SLC8A2: variants seen among roughly 807,000 people sequenced by gnomAD.
SLC8A2 encodes solute carrier family 8 member A2, also known as sodium/calcium exchanger 2.
A neutral mutation model predicts 70.2 loss-of-function variants in SLC8A2; 14 were observed. The ratio of observed to expected loss-of-function variants is 0.20; its 90% CI spans 0.13 to 0.31. The LOEUF (loss-of-function observed/expected upper bound fraction) is 0.31. Among genes scored for constraint, SLC8A2 ranks in the 10% least tolerant of loss-of-function variants. The probability of loss-of-function intolerance (pLI) is 1.00; values close to 1 mark genes in which losing one functional copy is unlikely to be tolerated. For missense variants in SLC8A2, 779 were observed against 1,320.1 expected, an observed-to-expected ratio of 0.59 and a Z score of 6.35; for synonymous variants, 575 against 594.3, an observed-to-expected ratio of 0.97 and a Z score of 0.47.
chr19:47,457,222 G>A lies in SLC8A2; in HGVS notation c.1048C>T (p.Arg350Cys). 1 of 1,546,332 alleles carries A rather than the reference G, an allele frequency of 6.5e-7. No individual in the cohort carries two copies. Among genetic ancestry groups the A allele is most frequent in the Non-Finnish European group, 8.7e-7 (1 of 1,145,536 alleles). ...YYALLHQQKS[R>C]AFYRIQATRL... ...GTGGCCTGGATGCGGTAGAAGGCGC[G>A]GCTCTTCTGCTGGTGCAGCAGCGCG... Residue 350 changes from arginine (R) to cysteine (C), a missense_variant, in exon 3 of 10, where the codon CGC becomes TGC. Transcript: ENST00000236877.
chr19:47,460,589 C>T (rs577346246), intron 2 of SLC8A2, among the ~76,000 whole-genome samples: 4 of 151,608 alleles, frequency 2.6e-5, no homozygotes, highest in Non-Finnish European at 4.4e-5. Context: ...CCCAGTTACT[C>T]GGGAGGCTGA....
chr19:47,464,998 C>T (rs1967439900), intron 2 of SLC8A2, among the ~76,000 whole-genome samples: 1 of 152,132 alleles, frequency 6.6e-6, no homozygotes, highest in Non-Finnish European at 1.5e-5. Context: ...GCAAAGTGGT[C>T]ACAGGGCTTA....
At chr19:47,462,215 G>C (rs1263495235) in intron 2 of SLC8A2, among the ~76,000 whole-genome samples, 2 of 152,146 alleles carry the variant, frequency 1.3e-5, no homozygotes, top group Non-Finnish European at 2.9e-5. Context: ...ATGATAGTTA[G>C]AATTTATAAC....
chr19:47,457,748 TTC>T (rs959996159), intron 2 of SLC8A2, among the ~76,000 whole-genome samples, 154 bp from the exon 3 acceptor site: 3 of 150,240 alleles, frequency 2.0e-5, no homozygotes, highest in African/African-American at 7.3e-5. Flanking sequence ...TCTGTTTCTT[TTC>T]TTTCTTTCTT....
rs996200888 is a variant in SLC8A2 at position 47,468,429 on chromosome 19, G to A, written c.-16-2010C>T. Among the ~76,000 whole-genome samples, 36 of 152,090 alleles carry A rather than the reference G, an allele frequency of 2.4e-4. No homozygotes were observed. The highest frequency in any genetic ancestry group is 5.9e-4 in the Admixed American group (9 of 15,260). Reference sequence around the variant, plus strand: ...CTCCCTCCTCAGCCTCCCAAGTAGCGGGAAGTACAGGCGTGCGCCACCATG... The same window carrying A: ...CTCCCTCCTCAGCCTCCCAAGTAGCAGGAAGTACAGGCGTGCGCCACCATG... On this transcript the variant is annotated intron_variant, in intron 1 of 9. Coordinates refer to ENST00000236877, the MANE Select transcript of SLC8A2 (RefSeq NM_015063.3). This position sits in a 1 kb window ranked among gnomAD's most constrained non-coding sequence, Gnocchi z 5.1.
rs368246846 is a variant in SLC8A2, at chr19:47,432,128, T to C, written c.2389+39A>G. The C allele has an allele frequency of 2.5e-5, 39 of 1,555,924 alleles. No homozygotes were observed. In the East Asian group the frequency reaches 8.6e-4, roughly 34 times the overall value. On this transcript the variant is annotated intron_variant, in intron 9 of 9. Coordinates refer to ENST00000236877, the MANE Select transcript of SLC8A2 (RefSeq NM_015063.3). The surrounding 1 kb of genome is among the most constrained non-coding windows in gnomAD (Gnocchi z 6.2). The stretch of plus-strand genomic sequence containing the variant: ...TCCTGTGTTGCCCCTGCCTGGCTCA[T>C]CTGAGATCCTACCCCACCAAAGTCT...
intron 4 of SLC8A2, 117 bp from the exon 5 acceptor site, chr19:47,441,557 C>T (rs1433613525): frequency 6.3e-6 from 4 of 630,432 alleles, no homozygotes; most frequent in African/African-American, 5.5e-5. Context: ...GTCCCAGACT[C>T]CACAATCTCA....
At chr19:47,446,689 A>G (rs830144) in intron 4 of SLC8A2, among the ~76,000 whole-genome samples, 118,951 of 152,062 alleles carry the variant, frequency 0.78, 47,224 homozygotes, top group Middle Eastern at 0.89. Context: ...GGCACTACAG[A>G]CATGCGCCAC....
At chr19:47,445,158 G>C (rs113429657) in intron 4 of SLC8A2, among the ~76,000 whole-genome samples, 5 of 152,250 alleles carry the variant, frequency 3.3e-5, no homozygotes, top group African/African-American at 9.6e-5. Context: ...GCCCAGGCCA[G>C]AGTGCAATGG....
rs2280689 is a variant in SLC8A2, at chr19:47,428,355, G to C, written c.*1734C>G. 0.62 allele frequency: 93,959 copies of C among 150,866 alleles called. 33,833 individuals are homozygous for C. The highest frequency in any genetic ancestry group is 0.79 in the Non-Finnish European group (53,357 of 67,718). The allele number at this position is 150,866 out of a possible 1,614,324, so 9.3% of individuals were successfully genotyped here. A position where few individuals can be genotyped will look rare whatever the true frequency, so the allele number is the denominator to read the frequency against. On this transcript the variant is annotated 3_prime_UTR_variant, in exon 10 of 10. Coordinates refer to ENST00000236877, the MANE Select transcript of SLC8A2 (RefSeq NM_015063.3). ...TGGTTAGTGGAAACCCACGACTGAC[G>C]AATGGGGGCATGGAGAGTGGAGGTG... is the stretch of plus-strand genomic sequence containing the variant.
Position 47,447,884 on chromosome 19 carries a change from T to C in SLC8A2, c.1688A>G (p.Asp563Gly). 2 of 1,592,458 alleles carry C rather than the reference T, an allele frequency of 1.3e-6. No homozygotes were observed. The highest frequency in any genetic ancestry group is 1.7e-6 in the Non-Finnish European group (2 of 1,172,754). Residue 563 changes from aspartate to glycine, a missense_variant, in exon 4 of 10, where the codon GAC (aspartate) becomes GGC (glycine). Coordinates refer to ENST00000236877, the MANE Select transcript of SLC8A2 (RefSeq NM_015063.3). The surrounding 1 kb of genome is among the most constrained non-coding windows in gnomAD (Gnocchi z 5.1). ...GTVRLPYRTV[D>G]GTARGGGVHY... ...CACGCCGCCGCCGCGCGCCGTGCCG[T>C]CCACCGTGCGGTAGGGAAGGCGCAC... is the stretch of plus-strand genomic sequence containing the variant.
In SLC8A2 at chr19:47,462,151, G is replaced by A. The variant is rs918320471; in HGVS notation, c.675+3578C>T. On this transcript the variant is annotated intron_variant, in intron 2 of 9. Coordinates refer to ENST00000236877, the MANE Select transcript of SLC8A2 (RefSeq NM_015063.3). ...CACACAATGCAGAAATGTCCCATAT[G>A]CCGTCTCATTTCAGAACCTGCCACT... is the stretch of plus-strand genomic sequence containing the variant. Among the ~76,000 whole-genome samples the A allele has an allele frequency of 7.2e-5, 11 of 152,304 alleles. No homozygotes were observed. The South Asian group carries it at 1.5e-3, about 20-fold the overall frequency.
Position 47,451,972 on chromosome 19 carries a change from G to A in SLC8A2, c.1341-3741C>T, listed in dbSNP as rs1967239950. Among the ~76,000 whole-genome samples, 3 of 152,296 alleles carry A rather than the reference G, an allele frequency of 2.0e-5. No homozygotes were observed. The South Asian group carries it at 6.2e-4, about 32-fold the overall frequency. On this transcript the variant is annotated intron_variant, in intron 3 of 9. Coordinates refer to ENST00000236877, the MANE Select transcript of SLC8A2 (RefSeq NM_015063.3). ...GATCAAATGGGAAGAGAGGGCAGGA[G>A]TGAAAATACAGCCATCAAGGATATT...
In SLC8A2 at chr19:47,430,136, T is replaced by C. The variant is rs1010509610; in HGVS notation, c.2719A>G (p.Ile907Val). The C allele has an allele frequency of 5.6e-6, 9 of 1,593,502 alleles. No individual in the cohort carries two copies. The highest frequency in any genetic ancestry group is 6.8e-6 in the Non-Finnish European group (8 of 1,170,054). ...TACGCCTCCAGGCTGGCGAAGAGGA[T>C]GTACAGGAGCCAGAGGCCCAGGAAG... The part of the protein sequence containing the change: ...ALFLGLWLLY[I>V]LFASLEAYCH... The change falls in exon 10 of 10, where the codon ATC (isoleucine) becomes GTC (valine). Residue 907 changes from isoleucine (I) to valine (V), a missense_variant. This residue lies in a region of SLC8A2 where 108 missense variants were observed against 269.6 expected (regional missense o/e 0.40). Transcript: ENST00000236877. This position sits in a 1 kb window ranked among gnomAD's most constrained non-coding sequence, Gnocchi z 5.9.
chr19:47,465,614 C>G lies in SLC8A2; in HGVS notation c.675+115G>C. Reference sequence around the variant, plus strand: ...GCACAACCGTACTTGGCAGCCCTCTCAGATGTGAGTGTGCATTTCTGCAAA... The same window carrying G: ...GCACAACCGTACTTGGCAGCCCTCTGAGATGTGAGTGTGCATTTCTGCAAA... On this transcript the variant is annotated intron_variant, in intron 2 of 9. Transcript: ENST00000236877. This position sits in a 1 kb window ranked among gnomAD's most constrained non-coding sequence, Gnocchi z 5.5. 1.1e-6 allele frequency: 1 copy of G among 936,080 alleles called. No individual in the cohort carries two copies. Among genetic ancestry groups the G allele is most frequent in the Non-Finnish European group, 1.6e-6 (1 of 630,610 alleles). 58.0% of individuals were successfully genotyped at this position (936,080 alleles called of 1,614,324 possible). A position where few individuals can be genotyped will look rare whatever the true frequency, so the allele number is the denominator to read the frequency against.
At chr19:47,443,601 C>T (rs1016696179) in intron 4 of SLC8A2, among the ~76,000 whole-genome samples, 3 of 152,340 alleles carry the variant, frequency 2.0e-5, no homozygotes, top group Non-Finnish European at 4.4e-5. Flanking sequence ...TCAGTTAGCA[C>T]GACTCCCCCA....
intron 3 of SLC8A2, among the ~76,000 whole-genome samples, chr19:47,452,437 AGAGAGAGAGTGTGTGTGTGT>A (rs1568444538): frequency 4.6e-5 from 4 of 87,324 alleles, no homozygotes; most frequent in Middle Eastern, 6.0e-3. Flanking sequence ...AGAGAGAGAG[AGAGAGAGAGTGTGTGTGTGT>A]GTGTGTGTGT....
intron 8 of SLC8A2, 114 bp downstream of exon 8, chr19:47,437,347 GC>G: frequency 1.3e-6 from 1 of 761,606 alleles, no homozygotes; most frequent in East Asian, 2.6e-5. Context: ...CCAGGCATGA[GC>G]CACCGCGCCC....
chr19:47,469,208 C>T (rs1056098372), intron 1 of SLC8A2, among the ~76,000 whole-genome samples: 1 of 151,832 alleles, frequency 6.6e-6, no homozygotes, highest in Non-Finnish European at 1.5e-5. Context: ...CACAATTAGC[C>T]CCCTCAGCAA....
Sources: gnomAD v4.1 joint callset for allele counts (sites outside exome capture counted in the v4.1 genomes callset) on GRCh38, gnomAD v4.1.1 for gene constraint, gnomAD v4.1.1 regional missense constraint, Gnocchi (gnomAD v3.1) non-coding constraint, MANE v1.5 for transcripts, NCBI Gene and HGNC (gene_info 2026-07-23, HGNC 2026-07-21) for gene names.